MLIP: variants seen among roughly 807,000 people sequenced by gnomAD.
MLIP encodes muscular LMNA-interacting protein.
Under a neutral mutation model 84.8 loss-of-function variants are expected in MLIP, and 79 were observed. That is an observed-to-expected ratio of 0.93 (90% CI 0.78 to 1.12). The LOEUF is 1.12. Ranked by LOEUF, MLIP falls within the 50% of genes most tolerant of loss-of-function variation. MLIP has a pLI of 0.00. For synonymous variants in MLIP, 504 were observed against 463.0 expected (o/e 1.09, Z -1.14); for missense variants, 1,257 against 1,160.6 (o/e 1.08, Z -1.21).
At chr6:54,096,520 G>T (rs1478649014) in intron 1 of MLIP, among the ~76,000 whole-genome samples, 2 of 152,060 alleles carry the variant, frequency 1.3e-5, no homozygotes, top group Non-Finnish European at 1.5e-5. Context: ...TACCTTCTCG[G>T]GGAAGCCCAC....
intron 12 of MLIP, among the ~76,000 whole-genome samples, chr6:54,248,671 C>T (rs1002125422): frequency 1.3e-5 from 2 of 152,066 alleles, no homozygotes; most frequent in African/African-American, 4.8e-5. Flanking sequence ...AAGTCTTTAT[C>T]TCTTGGGATG....
rs1395038402 is a variant in MLIP at position 54,138,034 on chromosome 6, C to T, written c.1965C>T (p.Pro655=). Residue 655 remains proline (P), a synonymous_variant, in exon 4 of 14, where the codon CCC becomes CCT. Transcript: ENST00000502396. ...CCAGTGCTGACTTTGCCTCTCTTCCCAACTTGAGGTCCTCCTCTCTCCCTC... is the reference window on the plus strand; with the variant it reads ...CCAGTGCTGACTTTGCCTCTCTTCCTAACTTGAGGTCCTCCTCTCTCCCTC... The part of the protein sequence containing the change: ...PVSSADFASL[P]NLRSSSLPHA... 2.0e-6 allele frequency: 3 copies of T among 1,536,018 alleles called. No homozygotes were observed. Among genetic ancestry groups the T allele is most frequent in the Middle Eastern group, 1.7e-4 (1 of 6,012 alleles).
intron 1 of MLIP, among the ~76,000 whole-genome samples, chr6:54,096,460 T>A (rs1310621397): frequency 1.3e-5 from 2 of 152,072 alleles, no homozygotes; most frequent in East Asian, 3.9e-4. Flanking sequence ...CATCCAACTG[T>A]CACCTCCTTC....
At chr6:54,071,906 A>G (rs1042573366) in intron 1 of MLIP, among the ~76,000 whole-genome samples, 3 of 152,162 alleles carry the variant, frequency 2.0e-5, no homozygotes, top group African/African-American at 7.2e-5. Context: ...TTTGGTGCCT[A>G]TTGCCTCACA....
intron 1 of MLIP, among the ~76,000 whole-genome samples, chr6:54,088,880 T>G (rs1767672493): frequency 6.6e-6 from 1 of 152,182 alleles, no homozygotes; most frequent in Admixed American, 6.6e-5. Flanking sequence ...AGTAGAAGTA[T>G]GTGCTCAAAT....
At chr6:54,168,503 G>A (rs533797683) in intron 8 of MLIP, among the ~76,000 whole-genome samples, 6 of 151,490 alleles carry the variant, frequency 4.0e-5, no homozygotes, top group Admixed American at 1.3e-4. Context: ...TGATTTCATT[G>A]CTTATTTCTT....
chr6:54,256,549 T>G (rs1247595525), intron 12 of MLIP, among the ~76,000 whole-genome samples: 1 of 152,122 alleles, frequency 6.6e-6, no homozygotes, highest in Non-Finnish European at 1.5e-5. Flanking sequence ...CAAAAAAGGG[T>G]AAACAGATTT....
intron 9 of MLIP, among the ~76,000 whole-genome samples, chr6:54,173,014 T>C (rs1037506910): frequency 6.6e-6 from 1 of 151,812 alleles, no homozygotes; most frequent in Non-Finnish European, 1.5e-5. Flanking sequence ...TTGGTTAATT[T>C]ATCATTAATA....
At chr6:54,055,804 C>T (rs1004333042) in intron 1 of MLIP, among the ~76,000 whole-genome samples, 5 of 151,904 alleles carry the variant, frequency 3.3e-5, no homozygotes, top group Admixed American at 6.6e-5. Flanking sequence ...CAGGGACTGC[C>T]GAGAAGGTGA....
intron 13 of MLIP, chr6:54,261,586 A>G (rs1239920513): frequency 1.1e-5 from 11 of 985,058 alleles, no homozygotes; most frequent in Non-Finnish European, 1.3e-5. Flanking sequence ...CTGATTTGCC[A>G]CTTTGGTGGT....
intron 1 of MLIP, among the ~76,000 whole-genome samples, chr6:54,027,145 G>A (rs550621767): frequency 6.6e-6 from 1 of 152,202 alleles, no homozygotes; most frequent in African/African-American, 2.4e-5. Flanking sequence ...AGAATAGAAA[G>A]TTCACAGTTC....
intron 12 of MLIP, among the ~76,000 whole-genome samples, chr6:54,249,100 G>C (rs764379112): frequency 6.6e-6 from 1 of 152,022 alleles, no homozygotes; most frequent in Non-Finnish European, 1.5e-5. Context: ...CTCAGTGCAG[G>C]AGATGCCATA....
intron 1 of MLIP, among the ~76,000 whole-genome samples, chr6:54,062,304 C>T (rs1426845979): frequency 6.6e-6 from 1 of 152,078 alleles, no homozygotes; most frequent in Non-Finnish European, 1.5e-5. Context: ...TATTAGCCCA[C>T]CCTCAATTTT....
intron 1 of MLIP, among the ~76,000 whole-genome samples, chr6:54,103,128 G>A (rs184002772): frequency 1.2e-4 from 18 of 152,188 alleles, no homozygotes; most frequent in African/African-American, 3.9e-4. Context: ...GGAGAAGCAT[G>A]CCTTACTTAA....
intron 1 of MLIP, among the ~76,000 whole-genome samples, chr6:54,067,664 C>A (rs1355680670): frequency 2.0e-5 from 2 of 101,080 alleles, no homozygotes; most frequent in African/African-American, 5.1e-5. Context: ...TAGGTTGAAG[C>A]GCTCATAGCC....
At position 54,067,964 on chromosome 6, in the gene MLIP, G is replaced by T. The variant is rs1766284786; in HGVS notation, c.63+48873G>T. 2.0e-5 allele frequency among the ~76,000 whole-genome samples: 2 copies of T among 98,674 alleles called. 1 individual carries two copies. Among genetic ancestry groups the T allele is most frequent in the Non-Finnish European group, 5.9e-5 (2 of 34,110 alleles). 64.7% of individuals were successfully genotyped at this position (98,674 alleles called of 152,430 possible). A position where few individuals can be genotyped will look rare whatever the true frequency, so the allele number is the denominator to read the frequency against. ...AACATCTGAAGCTGGGGTTTATACT[G>T]GCCAGGTTCTCCTTTGGGTACCCAT... On this transcript the variant is annotated intron_variant, in intron 1 of 12. Transcript: ENST00000274897.
In MLIP at chr6:54,056,581, C is replaced by T. The variant is rs1248682282; in HGVS notation, c.63+37490C>T. ...TTCTGAGAGAATACTTTTATATTTT[C>T]GTGTCGTGTGTTTTTAGTTTTCTCT... is the stretch of plus-strand genomic sequence containing the variant. On this transcript the variant is annotated intron_variant, in intron 1 of 12. Transcript: ENST00000274897. 3.3e-5 allele frequency among the ~76,000 whole-genome samples: 5 copies of T among 152,282 alleles called. No homozygotes were observed. The East Asian group carries it at 5.8e-4, about 18-fold the overall frequency.
intron 1 of MLIP, among the ~76,000 whole-genome samples, chr6:54,086,409 T>C (rs1239825711): frequency 1.3e-5 from 2 of 152,208 alleles, no homozygotes; most frequent in African/African-American, 2.4e-5. Context: ...ATTTTTAGTA[T>C]TACTTTGTGC....
intron 1 of MLIP, among the ~76,000 whole-genome samples, chr6:54,025,953 G>A (rs978105977): frequency 6.6e-6 from 1 of 152,096 alleles, no homozygotes; most frequent in Non-Finnish European, 1.5e-5. Context: ...TCCAGAGATA[G>A]CATCCAGAGT....
Sources: allele counts gnomAD v4.1 joint callset (sites outside exome capture counted in the v4.1 genomes callset), GRCh38; gene constraint gnomAD v4.1.1; transcripts MANE v1.5; gene names NCBI Gene and HGNC (gene_info 2026-07-23, HGNC 2026-07-21).